Variants in TASP1 observed in about 807,000 individuals in gnomAD.
TASP1 encodes the protein threonine aspartase 1.
TASP1 carries 16 observed loss-of-function variants against 56.6 expected under a neutral mutation model. The ratio of observed to expected loss-of-function variants is 0.28; its 90% CI spans 0.19 to 0.43. The LOEUF (loss-of-function observed/expected upper bound fraction) is 0.43. TASP1 is among the 20% of genes least tolerant of loss of function. The pLI is 1.00. For missense variants in TASP1, 393 were observed against 511.6 expected (o/e 0.77, Z 2.24); for synonymous variants, 179 against 184.2 (o/e 0.97, Z 0.23).
chr20:13,224,670 A>AT, the TASP1 span, among the ~76,000 whole-genome samples: 3,363 of 152,186 alleles, frequency 0.022, 115 homozygotes, highest in African/African-American at 0.074. Context: ...ATTTACCTGA[A>AT]TTGTAGTATG....
At chr20:13,424,543 G>A (rs1334662448) in intron 12 of TASP1, among the ~76,000 whole-genome samples, 1 of 151,872 alleles carries the variant, frequency 6.6e-6, no homozygotes, top group Non-Finnish European at 1.5e-5. Flanking sequence ...ATGAACTCCA[G>A]CAACACGCAG....
At chr20:13,198,810 CT>C in the TASP1 span, among the ~76,000 whole-genome samples, 2 of 123,812 alleles carry the variant, frequency 1.6e-5, no homozygotes, top group African/African-American at 6.0e-5. Context: ...TTCTTTCTTT[CT>C]TTCTTTCTTT....
intron 8 of TASP1, among the ~76,000 whole-genome samples, chr20:13,556,480 C>T: frequency 6.6e-6 from 1 of 152,158 alleles, no homozygotes; most frequent in East Asian, 1.9e-4. Flanking sequence ...TCTTCAATGG[C>T]TAGCCATTAT....
intron 6 of TASP1, among the ~76,000 whole-genome samples, chr20:13,574,201 C>T (rs190669122): frequency 4.2e-4 from 64 of 151,996 alleles, no homozygotes; most frequent in African/African-American, 1.5e-3. Flanking sequence ...AAGTAAAGGC[C>T]TCATTCTAGG....
At chr20:13,295,003 T>G in the TASP1 span, among the ~76,000 whole-genome samples, 1 of 152,098 alleles carries the variant, frequency 6.6e-6, no homozygotes, top group Non-Finnish European at 1.5e-5. Context: ...ACATGCCCAA[T>G]TTTTCTCTTC....
At chr20:13,590,550 A>C (rs1019007412) in intron 4 of TASP1, among the ~76,000 whole-genome samples, 3 of 152,200 alleles carry the variant, frequency 2.0e-5, no homozygotes, top group African/African-American at 7.2e-5. Context: ...AAGCATTAGC[A>C]AAAGAAGGAA....
At chr20:13,110,152 C>A in the TASP1 span, 2 of 1,613,648 alleles carry the variant, frequency 1.2e-6, no homozygotes, top group South Asian at 1.1e-5. Flanking sequence ...ATGCTGTCAT[C>A]TATGGCCAGC....
At chr20:13,353,686 G>A in the TASP1 span, among the ~76,000 whole-genome samples, 121 of 152,284 alleles carry the variant, frequency 7.9e-4, no homozygotes, top group Non-Finnish European at 1.7e-3. Flanking sequence ...GGGATTGGAA[G>A]ACTGTTTGTT....
chr20:13,350,876 T>C, the TASP1 span, among the ~76,000 whole-genome samples: 1 of 151,954 alleles, frequency 6.6e-6, no homozygotes, highest in Non-Finnish European at 1.5e-5. Flanking sequence ...ATTTATTTTA[T>C]TTTTTGTAGA....
the TASP1 span, among the ~76,000 whole-genome samples, chr20:13,209,493 T>A: frequency 1.3e-5 from 2 of 152,196 alleles, no homozygotes; most frequent in East Asian, 3.9e-4. Flanking sequence ...ATGAATTCTT[T>A]CTGTAAACCT....
intron 8 of TASP1, among the ~76,000 whole-genome samples, chr20:13,536,449 G>GT (rs1418031774): frequency 3.4e-4 from 52 of 152,156 alleles, no homozygotes; most frequent in African/African-American, 1.2e-3. Context: ...CATGGATTTG[G>GT]TATCTATATT....
chr20:13,369,505 G>T, the TASP1 span, among the ~76,000 whole-genome samples: 1 of 152,118 alleles, frequency 6.6e-6, no homozygotes, highest in Non-Finnish European at 1.5e-5. Context: ...GCCTAGGTGG[G>T]CTTATCTGTA....
the TASP1 span, among the ~76,000 whole-genome samples, chr20:13,124,498 G>A: frequency 6.6e-6 from 1 of 150,788 alleles, no homozygotes; most frequent in Non-Finnish European, 1.5e-5. Context: ...AGGAAAGGAA[G>A]AAACAAAAAA....
the TASP1 span, among the ~76,000 whole-genome samples, chr20:13,315,275 G>A: frequency 6.6e-6 from 1 of 151,990 alleles, no homozygotes; most frequent in Non-Finnish European, 1.5e-5. Context: ...CAGGAAACAA[G>A]ACTCAACTAT....
chr20:13,240,474 C>T, the TASP1 span, among the ~76,000 whole-genome samples: 1 of 152,176 alleles, frequency 6.6e-6, no homozygotes, highest in Non-Finnish European at 1.5e-5. Context: ...GAATCACAAA[C>T]ACCAAAGCCT....
the TASP1 span, among the ~76,000 whole-genome samples, chr20:13,262,838 T>TGCC: frequency 3.9e-5 from 6 of 152,152 alleles, no homozygotes; most frequent in Admixed American, 3.9e-4. Context: ...TGCAAAGAGT[T>TGCC]GCCCATTCTT....
At chr20:13,142,379 T>C in the TASP1 span, among the ~76,000 whole-genome samples, 69 of 152,168 alleles carry the variant, frequency 4.5e-4, 1 homozygote, top group Non-Finnish European at 9.6e-4. Context: ...TGGAATTCCA[T>C]GTTGGTTCAG....
chr20:13,340,649 TATC>T, the TASP1 span, among the ~76,000 whole-genome samples: 1 of 152,200 alleles, frequency 6.6e-6, no homozygotes, highest in African/African-American at 2.4e-5. Context: ...CTTAAATATT[TATC>T]ATGTTTTAGG....
the TASP1 span, among the ~76,000 whole-genome samples, chr20:13,148,097 G>T: frequency 7.2e-5 from 11 of 152,174 alleles, no homozygotes; most frequent in African/African-American, 2.7e-4. Context: ...GGTCATTCTG[G>T]TAGTTTCAGC....
Sources: gnomAD v4.1 joint callset for allele counts (sites outside exome capture counted in the v4.1 genomes callset) on GRCh38, gnomAD v4.1.1 for gene constraint, MANE v1.5 for transcripts, NCBI Gene and HGNC (gene_info 2026-07-23, HGNC 2026-07-21) for gene names.